Variants in GPC5 observed in about 807,000 individuals in gnomAD.
GPC5 encodes glypican 5.
GPC5 carries 47 observed loss-of-function variants against 53.9 expected under a neutral mutation model. That is an observed-to-expected ratio of 0.87 (90% CI 0.69 to 1.11). GPC5 has a LOEUF of 1.11. Ranked by LOEUF, GPC5 falls within the 50% of genes most tolerant of loss-of-function variation. GPC5 has a pLI of 0.00. For synonymous variants in GPC5, 286 were observed against 263.3 expected (o/e 1.09, Z -0.84); for missense variants, 748 against 713.1 (o/e 1.05, Z -0.56).
chr13:92,772,467 C>T (rs1273967573), intron 7 of GPC5, among the ~76,000 whole-genome samples: 2 of 152,170 alleles, frequency 1.3e-5, no homozygotes, highest in African/African-American at 4.8e-5. Flanking sequence ...AGCTCTTCTC[C>T]CAGATATCCT....
intron 7 of GPC5, among the ~76,000 whole-genome samples, chr13:92,680,268 A>G (rs776464093): frequency 3.9e-5 from 6 of 152,174 alleles, no homozygotes; most frequent in Non-Finnish European, 8.8e-5. Context: ...TTGGCCACTT[A>G]ATTTTCCTGC....
At chr13:91,753,961 G>A (rs1372332884) in intron 4 of GPC5, among the ~76,000 whole-genome samples, 1 of 152,094 alleles carries the variant, frequency 6.6e-6, no homozygotes, top group Non-Finnish European at 1.5e-5. Context: ...AATCCTTAGT[G>A]CCAATAAAAA....
chr13:92,681,864 A>G (rs1443130785), intron 7 of GPC5, among the ~76,000 whole-genome samples: 3 of 151,942 alleles, frequency 2.0e-5, no homozygotes, highest in Non-Finnish European at 4.4e-5. Flanking sequence ...TTCAGTCTTC[A>G]CCTCCCCGTG....
At chr13:92,138,458 T>A (rs544056110) in intron 6 of GPC5, among the ~76,000 whole-genome samples, 3 of 150,230 alleles carry the variant, frequency 2.0e-5, no homozygotes, top group African/African-American at 7.4e-5. Flanking sequence ...AGGCGGAGGT[T>A]GCAGTGAGCC....
At chr13:91,680,217 G>A (rs1299340761) in intron 2 of GPC5, among the ~76,000 whole-genome samples, 1 of 152,182 alleles carries the variant, frequency 6.6e-6, no homozygotes, top group East Asian at 1.9e-4. Context: ...TTGGGAGGCC[G>A]AGGGGGGCAG....
chr13:92,153,844 C>T (rs117963515), intron 7 of GPC5, among the ~76,000 whole-genome samples: 3,516 of 152,256 alleles, frequency 0.023, 47 homozygotes, highest in Admixed American at 0.029. Flanking sequence ...TTCTATTTCC[C>T]TCATAATTAA....
rs191899092 is a variant in GPC5 at position 92,269,686 on chromosome 13, G to A, written c.1561+124697G>A. On this transcript the variant is annotated intron_variant, in intron 7 of 7. Transcript: ENST00000377067. ...CTCCCAAAGTGCTGGGATTACAGGC[G>A]TGAGCCACCACACCTGGCCCGAAGG... Among the ~76,000 whole-genome samples the A allele has an allele frequency of 3.4e-3, 513 of 152,256 alleles. 7 individuals are homozygous for A. The highest frequency in any genetic ancestry group is 0.011 in the African/African-American group (471 of 41,556).
At chr13:91,831,186 G>A (rs2038653639) in intron 5 of GPC5, among the ~76,000 whole-genome samples, 1 of 150,212 alleles carries the variant, frequency 6.7e-6, no homozygotes, top group East Asian at 1.9e-4. Context: ...CCTGCAAGCT[G>A]AGGAGCAAGG....
chr13:91,400,835 T>C (rs1231294026), intron 1 of GPC5, among the ~76,000 whole-genome samples: 1 of 152,220 alleles, frequency 6.6e-6, no homozygotes, highest in Non-Finnish European at 1.5e-5. Flanking sequence ...TATCAGTCAC[T>C]GAGACAGTGT....
intron 6 of GPC5, among the ~76,000 whole-genome samples, chr13:91,958,573 C>T (rs1034807476): frequency 6.6e-6 from 1 of 152,052 alleles, no homozygotes; most frequent in East Asian, 1.9e-4. Context: ...ACAGAATACT[C>T]ATTCTTCTCA....
In GPC5 at chr13:92,210,687, A is replaced by C. The variant is rs1243498845; in HGVS notation, c.1561+65698A>C. Among the ~76,000 whole-genome samples the C allele has an allele frequency of 3.9e-5, 6 of 152,244 alleles. No homozygotes were observed. The East Asian group carries it at 5.8e-4, about 15-fold the overall frequency. On this transcript the variant is annotated intron_variant, in intron 7 of 7. Transcript: ENST00000377067. ...GTATAGATGAGTTAAAATCTGTAGAATATAAATCATATATAAAACAAAGTA... is the reference window on the plus strand; with the variant it reads ...GTATAGATGAGTTAAAATCTGTAGACTATAAATCATATATAAAACAAAGTA...
intron 6 of GPC5, among the ~76,000 whole-genome samples, chr13:91,988,930 G>A (rs1031490815): frequency 1.3e-5 from 2 of 151,910 alleles, no homozygotes; most frequent in Admixed American, 6.5e-5. Context: ...ATCCTGGGAG[G>A]CAGGCAGGGC....
At chr13:92,474,643 A>AG (rs1164613831) in intron 7 of GPC5, among the ~76,000 whole-genome samples, 1 of 151,998 alleles carries the variant, frequency 6.6e-6, no homozygotes, top group Non-Finnish European at 1.5e-5. Flanking sequence ...GTTAAAAAAA[A>AG]AAAACCTCTC....
In GPC5 at chr13:92,297,788, G is replaced by A. The variant is rs1020574847; in HGVS notation, c.1561+152799G>A. ...CCGAGCCAGCATTGGCAACCCGCTC[G>A]GGTCCCCTTCCACACTGTGGAAGCT... On this transcript the variant is annotated intron_variant, in intron 7 of 7. Transcript: ENST00000377067. Among the ~76,000 whole-genome samples the A allele has an allele frequency of 6.6e-5, 10 of 152,084 alleles. No homozygotes were observed. The East Asian group carries it at 7.8e-4, about 12-fold the overall frequency.
At chr13:92,415,110 G>A (rs1876228585) in intron 7 of GPC5, among the ~76,000 whole-genome samples, 1 of 152,218 alleles carries the variant, frequency 6.6e-6, no homozygotes, top group Non-Finnish European at 1.5e-5. Flanking sequence ...GGAGCAGCAA[G>A]TGGGAGATGC....
intron 7 of GPC5, chr13:92,447,384 A>G (rs1394715784): frequency 6.6e-6 from 1 of 152,108 alleles, no homozygotes; most frequent in African/African-American, 2.4e-5. Flanking sequence ...TACTTGGGAA[A>G]TTTATATATA....
At chr13:92,187,097 A>T (rs1227733943) in intron 7 of GPC5, among the ~76,000 whole-genome samples, 2 of 147,210 alleles carry the variant, frequency 1.4e-5, no homozygotes, top group Admixed American at 1.3e-4. Flanking sequence ...GGGTGACAAG[A>T]GCAAAACTCC....
chr13:92,266,448 T>C (rs767244693), intron 7 of GPC5, among the ~76,000 whole-genome samples: 5 of 152,126 alleles, frequency 3.3e-5, no homozygotes, highest in Non-Finnish European at 7.4e-5. Context: ...GGATTTAAGT[T>C]TACTTAAAGC....
intron 6 of GPC5, among the ~76,000 whole-genome samples, chr13:92,099,794 A>T (rs2138909815): frequency 6.6e-6 from 1 of 152,298 alleles, no homozygotes; most frequent in African/African-American, 2.4e-5. Context: ...GACAGAACCC[A>T]TGACTTGTTT....
Sources: allele counts gnomAD v4.1 joint callset (sites outside exome capture counted in the v4.1 genomes callset), GRCh38; gene constraint gnomAD v4.1.1; transcripts MANE v1.5; gene names NCBI Gene and HGNC (gene_info 2026-07-23, HGNC 2026-07-21).